Variants in ELOVL6 observed in about 807,000 individuals in gnomAD.
ELOVL6 encodes very long chain fatty acid elongase 6.
Under a neutral mutation model 31.7 loss-of-function variants are expected in ELOVL6, and 8 were observed. The observed-to-expected ratio is 0.25, with a 90% confidence interval of 0.15 to 0.45. The LOEUF is 0.45. Ranked by LOEUF, ELOVL6 falls within the 20% of genes least tolerant of loss-of-function variation. The probability of loss-of-function intolerance (pLI) is 1.00; values close to 1 mark genes in which losing one functional copy is unlikely to be tolerated. For synonymous variants in ELOVL6, 101 were observed against 117.7 expected (o/e 0.86, Z 0.92); for missense variants, 126 against 326.4 (o/e 0.39, Z 4.73).
intron 1 of ELOVL6, among the ~76,000 whole-genome samples, chr4:110,189,944 G>T (rs1049750198): frequency 1.4e-5 from 2 of 147,210 alleles, no homozygotes; most frequent in Non-Finnish European, 3.0e-5. Context: ...TCCAGCCTGG[G>T]CGACAGAGCC....
intron 1 of ELOVL6, 79 bp downstream of exon 1, chr4:110,198,168 C>T: frequency 1.3e-6 from 1 of 769,948 alleles, no homozygotes; most frequent in Non-Finnish European, 2.2e-6. Flanking sequence ...CACGCCCAGG[C>T]AGGGAATACC....
chr4:110,090,596 C>CTTCCTTT (rs1206850406), intron 2 of ELOVL6, among the ~76,000 whole-genome samples: 34 of 82,576 alleles, frequency 4.1e-4, no homozygotes, highest in African/African-American at 2.2e-3. Flanking sequence ...GAAAGTTTGA[C>CTTCCTTT]TTTCTTTTTT....
chr4:110,158,122 C>T (rs946062483), intron 1 of ELOVL6, among the ~76,000 whole-genome samples: 5 of 152,116 alleles, frequency 3.3e-5, no homozygotes, highest in African/African-American at 1.2e-4. Context: ...TGCTCTTGCC[C>T]TTGTTGGCAA....
At chr4:110,158,584 T>C (rs950286825) in intron 1 of ELOVL6, among the ~76,000 whole-genome samples, 2 of 146,800 alleles carry the variant, frequency 1.4e-5, no homozygotes, top group Non-Finnish European at 3.0e-5. Flanking sequence ...TATATATATA[T>C]GTATATATAT....
chr4:110,168,947 T>A (rs1230465968), intron 1 of ELOVL6, among the ~76,000 whole-genome samples: 1 of 150,606 alleles, frequency 6.6e-6, no homozygotes, highest in African/African-American at 2.4e-5. Context: ...TTATTAAACG[T>A]CCAGTAAGTC....
intron 1 of ELOVL6, among the ~76,000 whole-genome samples, chr4:110,135,443 C>T (rs904831580): frequency 2.0e-5 from 3 of 152,098 alleles, no homozygotes; most frequent in African/African-American, 4.8e-5. Context: ...CCAAAGTCAG[C>T]AACTTAGAAG....
intron 2 of ELOVL6, among the ~76,000 whole-genome samples, chr4:110,063,658 C>A (rs1463716588): frequency 1.3e-5 from 2 of 151,840 alleles, no homozygotes; most frequent in South Asian, 4.1e-4. Flanking sequence ...AAATCTAGAG[C>A]CTCAAAGAGG....
intron 2 of ELOVL6, among the ~76,000 whole-genome samples, chr4:110,084,551 C>CAGATATATATTTATATATATATATATAT (rs1163599448): frequency 1.5e-5 from 1 of 64,696 alleles, no homozygotes; most frequent in East Asian, 5.3e-4. Flanking sequence ...CACACACACA[C>CAGATATATATTTATATATATATATATAT]ACACACACAC....
At chr4:110,100,349 G>A (rs1756706882) in intron 2 of ELOVL6, among the ~76,000 whole-genome samples, 1 of 152,156 alleles carries the variant, frequency 6.6e-6, no homozygotes, top group Admixed American at 6.5e-5. Context: ...ATTACCACCT[G>A]AATGAAGACT....
intron 2 of ELOVL6, among the ~76,000 whole-genome samples, chr4:110,084,892 G>A (rs891043770): frequency 9.9e-5 from 15 of 151,650 alleles, no homozygotes; most frequent in African/African-American, 3.4e-4. Flanking sequence ...CGTGCCCGGC[G>A]TATGCTGTGA....
intron 1 of ELOVL6, among the ~76,000 whole-genome samples, chr4:110,122,394 G>A (rs1757380571): frequency 6.6e-6 from 1 of 151,902 alleles, no homozygotes; most frequent in Admixed American, 6.6e-5. Context: ...TTCTTTTTTT[G>A]TGGTTTCTGT....
intron 1 of ELOVL6, among the ~76,000 whole-genome samples, chr4:110,196,572 T>TC (rs1759797071): frequency 1.3e-5 from 2 of 152,170 alleles, no homozygotes; most frequent in South Asian, 4.1e-4. Flanking sequence ...CCAACCTCCT[T>TC]CCGGACCCAC....
chr4:110,091,199 A>G (rs1353213815), intron 2 of ELOVL6, among the ~76,000 whole-genome samples: 1 of 152,144 alleles, frequency 6.6e-6, no homozygotes. Flanking sequence ...TTACACACCT[A>G]TTCTAGAGGT....
intron 1 of ELOVL6, among the ~76,000 whole-genome samples, chr4:110,129,047 T>C (rs41364344): frequency 0.016 from 2,403 of 152,330 alleles, 55 homozygotes; most frequent in South Asian, 0.1. Flanking sequence ...GGCAAACTTT[T>C]CAAAAGGACA....
intron 1 of ELOVL6, among the ~76,000 whole-genome samples, chr4:110,158,677 T>TTTTTTTA (rs1758544972): frequency 2.9e-5 from 3 of 103,992 alleles, no homozygotes; most frequent in Non-Finnish European, 4.2e-5. Context: ...TTTTTTTTTT[T>TTTTTTTA]GAGACAGAAT....
At chr4:110,120,129 T>C (rs999810352) in intron 1 of ELOVL6, among the ~76,000 whole-genome samples, 2 of 152,148 alleles carry the variant, frequency 1.3e-5, no homozygotes, top group Non-Finnish European at 2.9e-5. Context: ...GAGAATGCAT[T>C]ATGGGGAAAT....
At chr4:110,078,343 G>A (rs994875490) in intron 2 of ELOVL6, among the ~76,000 whole-genome samples, 2 of 152,188 alleles carry the variant, frequency 1.3e-5, no homozygotes, top group African/African-American at 4.8e-5. Flanking sequence ...CAGAGAGAAA[G>A]GTTGGGTTAT....
intron 1 of ELOVL6, among the ~76,000 whole-genome samples, chr4:110,185,535 A>G (rs1294360694): frequency 6.6e-6 from 1 of 152,230 alleles, no homozygotes; most frequent in African/African-American, 2.4e-5. Flanking sequence ...TGTTCAAACC[A>G]AAAGAGGGCT....
intron 2 of ELOVL6, among the ~76,000 whole-genome samples, chr4:110,105,008 G>C (rs971554130): frequency 6.6e-6 from 1 of 152,074 alleles, no homozygotes; most frequent in Admixed American, 6.6e-5. Context: ...GGGTGCTTTT[G>C]AAGATGCAGA....
Sources: gnomAD v4.1 joint callset for allele counts (sites outside exome capture counted in the v4.1 genomes callset) on GRCh38, gnomAD v4.1.1 for gene constraint, MANE v1.5 for transcripts, NCBI Gene and HGNC (gene_info 2026-07-23, HGNC 2026-07-21) for gene names.